The following DIP2B variants were observed in gnomAD, a reference collection of about 807,000 sequenced individuals.
DIP2B encodes disco-interacting protein 2 homolog B.
A neutral mutation model predicts 198.0 loss-of-function variants in DIP2B; 76 were observed. The observed-to-expected ratio is 0.38, with a 90% CI of 0.32 to 0.46. DIP2B has a LOEUF of 0.46. Among genes scored for constraint, DIP2B ranks in the 20% least tolerant of loss-of-function variants. DIP2B has a pLI of 0.99. For missense variants in DIP2B, 1,559 were observed against 1,978.4 expected, an observed-to-expected ratio of 0.79 and a Z score of 4.02; for synonymous variants, 701 against 739.1, an observed-to-expected ratio of 0.95 and a Z score of 0.84.
chr12:50,713,559 G>A (rs1939658088), intron 22 of DIP2B, among the ~76,000 whole-genome samples: 1 of 152,190 alleles, frequency 6.6e-6, no homozygotes, highest in African/African-American at 2.4e-5. Context: ...GGTAGCTTGT[G>A]GCCTCCAATG....
intron 14 of DIP2B, among the ~76,000 whole-genome samples, chr12:50,694,102 A>T (rs1939265637): frequency 6.6e-6 from 1 of 152,176 alleles, no homozygotes; most frequent in Non-Finnish European, 1.5e-5. Context: ...TTGCTTTGTG[A>T]TGCCCAGCTA....
intron 1 of DIP2B, among the ~76,000 whole-genome samples, chr12:50,605,291 A>G (rs1177039861): frequency 6.6e-6 from 1 of 152,196 alleles, no homozygotes; most frequent in Non-Finnish European, 1.5e-5. Flanking sequence ...GAACTCCAAA[A>G]GAAACCTCAG....
At position 50,660,300 on chromosome 12, in the gene DIP2B, A is replaced by AGATGCCTGC; in HGVS notation, c.409_417dup (p.Asp137_Cys139dup). 6.2e-7 allele frequency: 1 copy of AGATGCCTGC among 1,610,166 alleles called. No homozygotes were observed. Among genetic ancestry groups the AGATGCCTGC allele is most frequent in the Non-Finnish European group, 8.5e-7 (1 of 1,178,240 alleles). ...GATCCACATTTGTTCAGTCTCCTGC[A>AGATGCCTGC]GATGCCTGCACACCTCCTGGTAGGT... is the stretch of plus-strand genomic sequence containing the variant. On this transcript the variant is annotated inframe_insertion, in exon 4 of 38. Transcript: ENST00000301180.
chr12:50,737,227 A>G, intron 35 of DIP2B, 117 bp downstream of exon 35: 1 of 942,072 alleles, frequency 1.1e-6, no homozygotes, highest in Non-Finnish European at 1.6e-6. Context: ...AATGGAGTTA[A>G]TTTTTTTCTG....
At chr12:50,591,608 TTTTC>T (rs574854517) in intron 1 of DIP2B, among the ~76,000 whole-genome samples, 110 of 151,588 alleles carry the variant, frequency 7.3e-4, no homozygotes, top group East Asian at 4.1e-3. Context: ...TAATTTTTCT[TTTTC>T]TTTCTTTCTT....
intron 4 of DIP2B, among the ~76,000 whole-genome samples, chr12:50,668,642 A>G (rs1439481919): frequency 6.6e-6 from 1 of 152,238 alleles, no homozygotes; most frequent in Non-Finnish European, 1.5e-5. Flanking sequence ...AACTTAAACA[A>G]ATTAAAATAC....
At chr12:50,544,988 G>A (rs1011451192) in intron 1 of DIP2B, among the ~76,000 whole-genome samples, 1 of 152,148 alleles carries the variant, frequency 6.6e-6, no homozygotes, top group Admixed American at 6.5e-5. Context: ...CACTTTGGGA[G>A]GCCAAGATGG....
At chr12:50,590,958 G>T (rs754135447) in intron 1 of DIP2B, among the ~76,000 whole-genome samples, 2 of 152,162 alleles carry the variant, frequency 1.3e-5, no homozygotes, top group Non-Finnish European at 2.9e-5. Flanking sequence ...AGAGGTGAAT[G>T]GACCATGAGG....
At chr12:50,607,073 C>T (rs1378318092) in intron 1 of DIP2B, among the ~76,000 whole-genome samples, 1 of 151,506 alleles carries the variant, frequency 6.6e-6, no homozygotes, top group East Asian at 1.9e-4. Flanking sequence ...TCCCAAAGTG[C>T]TGGGACTACA....
chr12:50,509,833 G>A lies in DIP2B; in HGVS notation c.100+4593G>A, dbSNP rs114251675. Among the ~76,000 whole-genome samples the A allele has an allele frequency of 7.1e-3, 1,084 of 152,306 alleles. 16 individuals carry two copies. Among genetic ancestry groups the A allele is most frequent in the African/African-American group, 0.025 (1,043 of 41,572 alleles). ...TCCGTAGCTTAGTCATAGATTCGTA[G>A]GATACACCTTTATCAAAGTTCTGTC... On this transcript the variant is annotated intron_variant, in intron 1 of 37. Transcript: ENST00000301180.
rs1375973917 is a variant in DIP2B, at chr12:50,608,357, C to T, written c.101-17619C>T. Among the ~76,000 whole-genome samples the T allele has an allele frequency of 6.6e-5, 10 of 152,108 alleles. No homozygotes were observed. In the South Asian group the frequency reaches 1.2e-3, roughly 19 times the overall value. On this transcript the variant is annotated intron_variant, in intron 1 of 37. Transcript: ENST00000301180. ...AATAGTAACACTAGGTGCGGTGGGTCACACCTGTAATCCCAGCATTTTGGG... is the reference window on the plus strand; with the variant it reads ...AATAGTAACACTAGGTGCGGTGGGTTACACCTGTAATCCCAGCATTTTGGG...
intron 1 of DIP2B, among the ~76,000 whole-genome samples, chr12:50,555,275 G>A (rs1481206779): frequency 2.0e-5 from 3 of 151,968 alleles, no homozygotes; most frequent in Non-Finnish European, 4.4e-5. Flanking sequence ...TGTTTATAAC[G>A]TTTTGCCACC....
At chr12:50,526,626 C>CCTTTT (rs1958167190) in intron 1 of DIP2B, among the ~76,000 whole-genome samples, 1 of 64,182 alleles carries the variant, frequency 1.6e-5, no homozygotes, top group Non-Finnish European at 2.5e-5. Flanking sequence ...TTTCCTCTGC[C>CCTTTT]TTTTTTTTTT....
intron 3 of DIP2B, among the ~76,000 whole-genome samples, chr12:50,644,871 A>T (rs573600233): frequency 1.3e-5 from 2 of 152,318 alleles, no homozygotes; most frequent in South Asian, 2.1e-4. Flanking sequence ...TCATATATAA[A>T]AATGCTTTTG....
At chr12:50,533,046 T>C (rs1958232710) in intron 1 of DIP2B, among the ~76,000 whole-genome samples, 1 of 152,180 alleles carries the variant, frequency 6.6e-6, no homozygotes. Flanking sequence ...ACAGCAAAGG[T>C]AGTAGTGAGA....
At chr12:50,607,501 T>G (rs1338068476) in intron 1 of DIP2B, among the ~76,000 whole-genome samples, 1 of 152,224 alleles carries the variant, frequency 6.6e-6, no homozygotes, top group Non-Finnish European at 1.5e-5. Flanking sequence ...CCTGTGATTT[T>G]TCTTCCTTTC....
At chr12:50,712,958 A>T (rs1939646646) in intron 22 of DIP2B, among the ~76,000 whole-genome samples, 1 of 152,182 alleles carries the variant, frequency 6.6e-6, no homozygotes, top group Admixed American at 6.6e-5. Flanking sequence ...AAATTCTTCA[A>T]GTATTAAATT....
At chr12:50,608,161 T>C (rs1282361646) in intron 1 of DIP2B, among the ~76,000 whole-genome samples, 1 of 152,208 alleles carries the variant, frequency 6.6e-6, no homozygotes, top group African/African-American at 2.4e-5. Flanking sequence ...GGAATTTGTG[T>C]CCACCAATTA....
At chr12:50,587,426 C>T (rs940126835) in intron 1 of DIP2B, among the ~76,000 whole-genome samples, 2 of 152,096 alleles carry the variant, frequency 1.3e-5, no homozygotes, top group African/African-American at 2.4e-5. Flanking sequence ...TTTTGCCATT[C>T]CTTGTTTTTG....
Sources: gnomAD v4.1 joint callset for allele counts (sites outside exome capture counted in the v4.1 genomes callset) on GRCh38, gnomAD v4.1.1 for gene constraint, MANE v1.5 for transcripts, NCBI Gene and HGNC (gene_info 2026-07-23, HGNC 2026-07-21) for gene names.